KCNN2: variants seen among roughly 807,000 people sequenced by gnomAD.
KCNN2 encodes the protein small conductance calcium-activated potassium channel protein 2.
KCNN2 carries 24 observed loss-of-function variants against 55.5 expected under a neutral mutation model. The observed-to-expected ratio is 0.43, with a 90% confidence interval of 0.31 to 0.61. The LOEUF (loss-of-function observed/expected upper bound fraction) is 0.61, where lower values mean the gene tolerates loss of function less well. Among genes scored for constraint, KCNN2 ranks in the 20% least tolerant of loss-of-function variants. The probability of loss-of-function intolerance (pLI) is 0.08; values close to 1 mark genes in which losing one functional copy is unlikely to be tolerated. For synonymous variants in KCNN2, 431 were observed against 336.1 expected (o/e 1.28, Z -3.09); for missense variants, 754 against 853.6 (o/e 0.88, Z 1.45).
intron 5 of KCNN2, among the ~76,000 whole-genome samples, chr5:114,477,686 C>T (rs1035750695): frequency 6.6e-6 from 1 of 152,156 alleles, no homozygotes; most frequent in Non-Finnish European, 1.5e-5. Flanking sequence ...ATTATTATTA[C>T]TGCTCATTCC....
At chr5:114,112,390 C>G (rs950014826) in intron 1 of KCNN2, among the ~76,000 whole-genome samples, 6 of 152,044 alleles carry the variant, frequency 3.9e-5, no homozygotes, top group African/African-American at 1.2e-4. Context: ...TGATGAGTTG[C>G]TGGGTGCAGC....
chr5:114,395,954 T>G (rs1489207822), intron 2 of KCNN2, among the ~76,000 whole-genome samples: 1 of 152,244 alleles, frequency 6.6e-6, no homozygotes. Flanking sequence ...AACAGTTTTC[T>G]GAAATTTACT....
intron 1 of KCNN2, among the ~76,000 whole-genome samples, chr5:114,118,145 AT>A (rs1050565741): frequency 1.3e-5 from 2 of 152,180 alleles, no homozygotes; most frequent in Non-Finnish European, 2.9e-5. Flanking sequence ...CCTTTACAGC[AT>A]TTCCCTAGCT....
intron 1 of KCNN2, among the ~76,000 whole-genome samples, chr5:114,214,277 A>G (rs1561525689): frequency 6.6e-6 from 1 of 151,958 alleles, no homozygotes; most frequent in African/African-American, 2.4e-5. Context: ...GAGAATGAGC[A>G]TGGTTGTGAT....
chr5:114,151,727 T>G (rs945980522), intron 1 of KCNN2, among the ~76,000 whole-genome samples: 1 of 152,104 alleles, frequency 6.6e-6, no homozygotes, highest in African/African-American at 2.4e-5. Flanking sequence ...GACTTCCAGT[T>G]TGAAGTAAGG....
At chr5:114,170,718 T>C (rs530824775) in intron 1 of KCNN2, among the ~76,000 whole-genome samples, 5 of 143,230 alleles carry the variant, frequency 3.5e-5, no homozygotes, top group African/African-American at 1.5e-4. Flanking sequence ...AAATTTAAAA[T>C]CTGTCTCTCA....
intron 1 of KCNN2, among the ~76,000 whole-genome samples, chr5:114,126,185 T>A (rs1162664804): frequency 6.6e-6 from 1 of 152,086 alleles, no homozygotes; most frequent in Non-Finnish European, 1.5e-5. Context: ...TTAGGTCCCA[T>A]CCTAATGAAC....
chr5:114,323,674 C>T (rs1466617958), intron 2 of KCNN2, among the ~76,000 whole-genome samples: 4 of 20,496 alleles, frequency 2.0e-4, no homozygotes, highest in Admixed American at 8.1e-4. Flanking sequence ...TTTTGCTGGT[C>T]GGGATGGAAT....
chr5:114,404,032 G>A (rs1445722165), intron 2 of KCNN2, among the ~76,000 whole-genome samples: 1 of 152,188 alleles, frequency 6.6e-6, no homozygotes, highest in Non-Finnish European at 1.5e-5. Flanking sequence ...ACCCTAAATA[G>A]ATTTCACTGA....
chr5:114,471,334 T>G (rs1486731450), intron 4 of KCNN2, among the ~76,000 whole-genome samples: 2 of 141,366 alleles, frequency 1.4e-5, no homozygotes, highest in Non-Finnish European at 3.1e-5. Flanking sequence ...ATAATACTTT[T>G]AATACAATAT....
At chr5:114,428,532 GA>G (rs1205819811) in intron 3 of KCNN2, among the ~76,000 whole-genome samples, 1 of 152,006 alleles carries the variant, frequency 6.6e-6, no homozygotes, top group East Asian at 1.9e-4. Context: ...AAAGCATTTT[GA>G]AAACACAGGT....
chr5:114,143,699 G>A (rs982621243), intron 1 of KCNN2, among the ~76,000 whole-genome samples: 6 of 152,164 alleles, frequency 3.9e-5, no homozygotes, highest in Admixed American at 1.3e-4. Context: ...TTCATGTGCC[G>A]TTGGCTCATT....
chr5:114,440,728 T>C (rs1002720787), intron 3 of KCNN2, among the ~76,000 whole-genome samples: 1 of 152,108 alleles, frequency 6.6e-6, no homozygotes, highest in Admixed American at 6.5e-5. Flanking sequence ...CAAGTATGTC[T>C]TGTTAAAAGT....
intron 3 of KCNN2, among the ~76,000 whole-genome samples, chr5:114,414,506 G>T (rs749395935): frequency 4.6e-5 from 7 of 152,162 alleles, no homozygotes; most frequent in Non-Finnish European, 1.0e-4. Context: ...GGTTCCTGAG[G>T]CTCTGCGGAG....
At position 114,362,859 on chromosome 5, in the gene KCNN2, C is replaced by A; in HGVS notation, c.720C>A (p.Asp240Glu). 1 of 1,600,028 alleles carries A rather than the reference C, an allele frequency of 6.2e-7. No individual in the cohort carries two copies. The highest frequency in any genetic ancestry group is 2.2e-5 in the East Asian group (1 of 44,754). The change falls in exon 1 of 8, where the codon GAC becomes GAA. Residue 240 changes from aspartate to glutamate, a missense_variant. Transcript: ENST00000673685. The stretch of plus-strand genomic sequence containing the variant: ...CCCGCCGGAACCTGCACGAGATGGA[C>A]TCAGAGGCGCAGCCCCTGCAGCCCC... Reference protein sequence around the residue: ...SASRRNLHEMDSEAQPLQPPA... With the variant: ...SASRRNLHEMESEAQPLQPPA...
At chr5:114,259,296 C>T (rs1755050764) in intron 2 of KCNN2, among the ~76,000 whole-genome samples, 1 of 152,202 alleles carries the variant, frequency 6.6e-6, no homozygotes, top group African/African-American at 2.4e-5. Flanking sequence ...ACCCTCAGGT[C>T]CCCTGGGTCC....
intron 2 of KCNN2, among the ~76,000 whole-genome samples, chr5:114,288,499 T>TACACACAC (rs1203371494): frequency 0.01 from 1,404 of 139,574 alleles, 19 homozygotes; most frequent in East Asian, 0.043. Context: ...TATATATATA[T>TACACACAC]ACACACACAC....
At chr5:114,345,221 AGAATACACTACTCTTTGTG>A (rs1757085288) in intron 2 of KCNN2, among the ~76,000 whole-genome samples, 1 of 152,244 alleles carries the variant, frequency 6.6e-6, no homozygotes, top group South Asian at 2.1e-4. Flanking sequence ...AAAGGGTAAA[AGAATACACTACTCTTTGTG>A]GAAAAAAAAA....
At chr5:114,412,075 AT>A (rs1214190365) in intron 3 of KCNN2, among the ~76,000 whole-genome samples, 2 of 152,216 alleles carry the variant, frequency 1.3e-5, no homozygotes, top group Non-Finnish European at 2.9e-5. Flanking sequence ...AGAATATCTC[AT>A]TTTGTAACTA....
Sources: gnomAD v4.1 joint callset for allele counts (sites outside exome capture counted in the v4.1 genomes callset) on GRCh38, gnomAD v4.1.1 for gene constraint, MANE v1.5 for transcripts, NCBI Gene and HGNC (gene_info 2026-07-23, HGNC 2026-07-21) for gene names.